The following PDE3B variants were observed in gnomAD, a reference collection of about 807,000 sequenced individuals.
PDE3B encodes cGMP-inhibited 3',5'-cyclic phosphodiesterase 3B.
A neutral mutation model predicts 116.8 loss-of-function variants in PDE3B; 66 were observed. The ratio of observed to expected loss-of-function variants is 0.56; its 90% CI spans 0.46 to 0.69. PDE3B has a LOEUF of 0.69. Among genes scored for constraint, PDE3B ranks in the 30% least tolerant of loss-of-function variants. PDE3B has a pLI of 0.00. For synonymous variants in PDE3B, 595 were observed against 533.6 expected (o/e 1.12, Z -1.59); for missense variants, 1,384 against 1,368.1 (o/e 1.01, Z -0.18).
At chr11:14,819,307 ATCTT>A in intron 7 of PDE3B, 98 bp downstream of exon 7, 1 of 699,608 alleles carries the variant, frequency 1.4e-6, no homozygotes, top group Non-Finnish European at 2.5e-6. Flanking sequence ...CAGTTTATCC[ATCTT>A]TAAAATGAAG....
chr11:14,669,958 C>T (rs938489750), intron 1 of PDE3B, among the ~76,000 whole-genome samples: 4 of 152,172 alleles, frequency 2.6e-5, no homozygotes, highest in African/African-American at 9.6e-5. Context: ...ATTGCATATC[C>T]TCTTATTTAT....
intron 14 of PDE3B, among the ~76,000 whole-genome samples, chr11:14,867,196 T>C (rs2061520560): frequency 6.6e-6 from 1 of 152,116 alleles, no homozygotes; most frequent in Non-Finnish European, 1.5e-5. Flanking sequence ...AGAGAATCCA[T>C]AATTGACACT....
chr11:14,770,087 G>A (rs763882218), intron 1 of PDE3B, among the ~76,000 whole-genome samples: 1 of 151,292 alleles, frequency 6.6e-6, no homozygotes, highest in Non-Finnish European at 1.5e-5. Context: ...CTGTTTGATG[G>A]TATTATTGTG....
chr11:14,839,008 A>C (rs764282979), intron 11 of PDE3B, among the ~76,000 whole-genome samples: 2 of 152,198 alleles, frequency 1.3e-5, no homozygotes, highest in African/African-American at 2.4e-5. Context: ...CCCTAATTTT[A>C]TCCCCAAGAA....
At chr11:14,868,444 G>T (rs1353319449) in intron 15 of PDE3B, among the ~76,000 whole-genome samples, 2 of 152,132 alleles carry the variant, frequency 1.3e-5, no homozygotes, top group East Asian at 3.8e-4. Flanking sequence ...TGGGGGGGAG[G>T]GGGGAAGGAA....
At chr11:14,794,643 TG>T (rs1858494610) in intron 4 of PDE3B, among the ~76,000 whole-genome samples, 1 of 152,180 alleles carries the variant, frequency 6.6e-6, no homozygotes, top group Non-Finnish European at 1.5e-5. Context: ...ACCATCTACC[TG>T]GAGATAGCGT....
rs138452644 is a variant in PDE3B at position 14,731,831 on chromosome 11, C to G, written c.979-40106C>G. 2.0e-3 allele frequency among the ~76,000 whole-genome samples: 297 copies of G among 152,208 alleles called. 1 individual carries two copies. The highest frequency in any genetic ancestry group is 6.6e-3 in the African/African-American group (273 of 41,524). On this transcript the variant is annotated intron_variant, in intron 1 of 15. Transcript: ENST00000282096. ...GCACTGACTTAAGTGCTGGAGATAC[C>G]TAAGTAAATCAGACGATTTCTGCTG...
At chr11:14,719,061 T>C (rs1856015904) in intron 1 of PDE3B, among the ~76,000 whole-genome samples, 1 of 98,924 alleles carries the variant, frequency 1.0e-5, no homozygotes, top group Non-Finnish European at 2.0e-5. Flanking sequence ...GAGAATCAAA[T>C]AGACACAATA....
chr11:14,649,450 A>T (rs910258582), intron 1 of PDE3B, among the ~76,000 whole-genome samples: 3 of 152,214 alleles, frequency 2.0e-5, no homozygotes, highest in Admixed American at 6.5e-5. Flanking sequence ...ATTCTGTGAG[A>T]TATTTGGAAA....
At chr11:14,784,234 C>A (rs973062235) in intron 2 of PDE3B, among the ~76,000 whole-genome samples, 1 of 152,086 alleles carries the variant, frequency 6.6e-6, no homozygotes, top group Non-Finnish European at 1.5e-5. Context: ...AAGAAGGACT[C>A]TTGAAGTAAC....
chr11:14,767,381 G>A (rs950127791), intron 1 of PDE3B, among the ~76,000 whole-genome samples: 1 of 151,268 alleles, frequency 6.6e-6, no homozygotes, highest in Admixed American at 6.6e-5. Context: ...TCTTTGTGTG[G>A]TATTATCACA....
At position 14,645,185 on chromosome 11, in the gene PDE3B, G is replaced by A. The variant is rs1029463888; in HGVS notation, c.978+132G>A. ...GAAAAAGGGTGTGTTGCGGGGGGGG[G>A]GGGGGAGGAAATAATGTTTTATTCT... On this transcript the variant is annotated intron_variant, in intron 1 of 15. Transcript: ENST00000282096. 3 of 402,040 alleles carry A rather than the reference G, an allele frequency of 7.5e-6. 1 individual carries two copies. In the Admixed American group the frequency reaches 1.1e-4, roughly 15 times the overall value. The allele number at this position is 402,040 out of a possible 1,614,324, so 24.9% of individuals were successfully genotyped here.
chr11:14,742,253 A>G (rs766110177), intron 1 of PDE3B, among the ~76,000 whole-genome samples: 30 of 152,222 alleles, frequency 2.0e-4, no homozygotes, highest in Middle Eastern at 3.2e-3. Flanking sequence ...GTCTTTTCAC[A>G]TAGTCCCATA....
Position 14,869,748 on chromosome 11 carries a change from T to C in PDE3B, c.*88T>C. On this transcript the variant is annotated 3_prime_UTR_variant, in exon 16 of 16. Coordinates refer to ENST00000282096, the MANE Select transcript of PDE3B (RefSeq NM_000922.4). ...AAATCATTGCCTAGTGTTCACCGGC[T>C]GACTCTCAACTGACCATTCCCATGT... is the stretch of plus-strand genomic sequence containing the variant. 9.3e-7 allele frequency: 1 copy of C among 1,078,436 alleles called. No individual in the cohort carries two copies. The highest frequency in any genetic ancestry group is 1.4e-6 in the Non-Finnish European group (1 of 731,384). The allele number at this position is 1,078,436 out of a possible 1,614,324, so 66.8% of individuals were successfully genotyped here.
chr11:14,823,864 C>T (rs1476408467), intron 7 of PDE3B, among the ~76,000 whole-genome samples: 1 of 152,172 alleles, frequency 6.6e-6, no homozygotes, highest in African/African-American at 2.4e-5. Context: ...GCCTGGGTCT[C>T]CAGCTCCCCT....
At chr11:14,868,823 A>C (rs538361558) in intron 15 of PDE3B, among the ~76,000 whole-genome samples, 3 of 152,184 alleles carry the variant, frequency 2.0e-5, no homozygotes, top group African/African-American at 7.2e-5. Flanking sequence ...CTGAAGGTTG[A>C]CTGACTTCTA....
chr11:14,847,882 G>A (rs1590191443), intron 12 of PDE3B, among the ~76,000 whole-genome samples: 1 of 152,096 alleles, frequency 6.6e-6, no homozygotes, highest in Non-Finnish European at 1.5e-5. Context: ...GGACCAGATG[G>A]ATTCACAGCC....
At chr11:14,801,257 T>C (rs1858752618) in intron 4 of PDE3B, among the ~76,000 whole-genome samples, 1 of 152,182 alleles carries the variant, frequency 6.6e-6, no homozygotes, top group Admixed American at 6.5e-5. Context: ...TTTCAGCCTT[T>C]TTGTGCTGGT....
intron 4 of PDE3B, among the ~76,000 whole-genome samples, chr11:14,799,736 G>T (rs1858683629): frequency 1.4e-5 from 2 of 147,030 alleles, no homozygotes; most frequent in Non-Finnish European, 3.0e-5. Context: ...TTTTATCAGA[G>T]ATTAGGACTG....
Sources: allele counts gnomAD v4.1 joint callset (sites outside exome capture counted in the v4.1 genomes callset), GRCh38; gene constraint gnomAD v4.1.1; transcripts MANE v1.5; gene names NCBI Gene and HGNC (gene_info 2026-07-23, HGNC 2026-07-21).